The following TAFA5 variants were observed in gnomAD, a reference collection of about 807,000 sequenced individuals.
TAFA5 encodes the protein chemokine-like protein TAFA-5.
A neutral mutation model predicts 15.3 loss-of-function variants in TAFA5; 6 were observed. The ratio of observed to expected loss-of-function variants is 0.39; its 90% CI spans 0.21 to 0.77. The LOEUF (loss-of-function observed/expected upper bound fraction) is 0.77. Ranked by LOEUF, TAFA5 falls within the 30% of genes least tolerant of loss-of-function variation. The pLI is 0.41. For missense variants in TAFA5, 161 were observed against 193.1 expected (o/e 0.83, Z 0.98); for synonymous variants, 103 against 80.7 (o/e 1.28, Z -1.48).
At chr22:48,683,302 G>A (rs953920195) in intron 2 of TAFA5, among the ~76,000 whole-genome samples, 1 of 152,242 alleles carries the variant, frequency 6.6e-6, no homozygotes, top group Non-Finnish European at 1.5e-5. Flanking sequence ...GAGAGTGCTG[G>A]TTAATAGCTT....
chr22:48,584,745 C>T (rs1924269692), intron 1 of TAFA5, among the ~76,000 whole-genome samples: 1 of 149,604 alleles, frequency 6.7e-6, no homozygotes, highest in Admixed American at 6.7e-5. Context: ...TACACGCACC[C>T]TCCACACACA....
At chr22:48,749,634 C>G (rs534904067) in intron 3 of TAFA5, among the ~76,000 whole-genome samples, 1 of 152,296 alleles carries the variant, frequency 6.6e-6, no homozygotes, top group South Asian at 2.1e-4. Context: ...GCGCCCCACT[C>G]TCCCGAGACA....
At chr22:48,577,826 A>C (rs1923874277) in intron 1 of TAFA5, among the ~76,000 whole-genome samples, 1 of 152,204 alleles carries the variant, frequency 6.6e-6, no homozygotes, top group South Asian at 2.1e-4. Flanking sequence ...TTGGCCTGCC[A>C]GCCCGGGCTT....
chr22:48,685,921 C>T (rs960696629), intron 2 of TAFA5, among the ~76,000 whole-genome samples: 23 of 151,206 alleles, frequency 1.5e-4, no homozygotes, highest in African/African-American at 3.7e-4. Context: ...ACAGGCCCCA[C>T]GTGCGCCCCG....
chr22:48,489,613 C>T lies in TAFA5; in HGVS notation c.21C>T (p.Thr7=), dbSNP rs1344342066. The T allele has an allele frequency of 1.3e-6, 2 of 1,500,802 alleles. No homozygotes were observed. The highest frequency in any genetic ancestry group is 1.8e-6 in the Non-Finnish European group (2 of 1,122,590). The allele number at this position is 1,500,802 out of a possible 1,614,324, so 93.0% of individuals were successfully genotyped here. A position where few individuals can be genotyped will look rare whatever the true frequency, so the allele number is the denominator to read the frequency against. ...CTTCAATGGCGCCATCGCCCAGGACCGGCAGCCGGCAAGATGCGACCGCCC... is the reference window on the plus strand; with the variant it reads ...CTTCAATGGCGCCATCGCCCAGGACTGGCAGCCGGCAAGATGCGACCGCCC... The part of the protein sequence containing the change: MAPSPR[T]GSRQDATALP... The change falls in exon 1 of 4, where the codon ACC becomes ACT. Residue 7 remains threonine (T), a synonymous_variant. Transcript: ENST00000402357. The surrounding 1 kb of genome is among the most constrained non-coding windows in gnomAD (Gnocchi z 5.5).
At position 48,709,707 on chromosome 22, in the gene TAFA5, C is replaced by T. The variant is rs924156185; in HGVS notation, c.390+1863C>T. ...GGCTGCACCCCTTCAGGAACGAACT[C>T]GGATGCACCTCTGTGAGAGGACTGC... On this transcript the variant is annotated intron_variant, in intron 3 of 3. Transcript: ENST00000402357. 9.9e-5 allele frequency among the ~76,000 whole-genome samples: 15 copies of T among 152,238 alleles called. No homozygotes were observed. The South Asian group carries it at 1.2e-3, about 13-fold the overall frequency.
chr22:48,519,386 C>G (rs6007878), intron 1 of TAFA5, among the ~76,000 whole-genome samples: 3,126 of 152,370 alleles, frequency 0.021, 131 homozygotes, highest in African/African-American at 0.071. Flanking sequence ...GCAGGGGCCA[C>G]GCTTCTCAGA....
intron 1 of TAFA5, chr22:48,547,211 C>G (rs1922706042): frequency 6.6e-6 from 1 of 152,324 alleles, no homozygotes. Flanking sequence ...TGCGGCGGGC[C>G]TGGGAGCTCA....
intron 2 of TAFA5, among the ~76,000 whole-genome samples, chr22:48,694,892 C>G (rs1358827276): frequency 6.7e-6 from 1 of 148,172 alleles, no homozygotes; most frequent in Non-Finnish European, 1.5e-5. Context: ...CCTTCCTGCC[C>G]CAGGCTGGGA....
At chr22:48,563,213 C>A (rs1366780132) in intron 1 of TAFA5, among the ~76,000 whole-genome samples, 1 of 152,214 alleles carries the variant, frequency 6.6e-6, no homozygotes, top group African/African-American at 2.4e-5. Context: ...AAGAGCCCTG[C>A]AGACAAGTGG....
At position 48,624,927 on chromosome 22, in the gene TAFA5, C is replaced by G. The variant is rs117327538; in HGVS notation, c.113-21670C>G. On this transcript the variant is annotated intron_variant, in intron 1 of 3. Coordinates refer to ENST00000402357, the MANE Select transcript of TAFA5 (RefSeq NM_001082967.3). The stretch of plus-strand genomic sequence containing the variant: ...CCGGCCTGGCCAACGTGGCAAAACC[C>G]TGTCTCTACTAACAATACAAAAACA... Among the ~76,000 whole-genome samples the G allele has an allele frequency of 1.8e-3, 270 of 152,220 alleles. 11 individuals are homozygous for G. The East Asian group carries it at 0.044, about 25-fold the overall frequency.
intron 1 of TAFA5, among the ~76,000 whole-genome samples, chr22:48,585,477 C>T (rs1256176075): frequency 3.3e-5 from 5 of 150,616 alleles, no homozygotes; most frequent in Non-Finnish European, 7.4e-5. Context: ...ACCACACATA[C>T]ACCACATACA....
At chr22:48,740,893 A>G (rs1156310900) in intron 3 of TAFA5, among the ~76,000 whole-genome samples, 1 of 152,086 alleles carries the variant, frequency 6.6e-6, no homozygotes, top group Non-Finnish European at 1.5e-5. Context: ...TGTGCCAGGT[A>G]AACAGCCTTA....
At chr22:48,636,633 G>A (rs997241845) in intron 1 of TAFA5, among the ~76,000 whole-genome samples, 3 of 152,120 alleles carry the variant, frequency 2.0e-5, no homozygotes, top group South Asian at 2.1e-4. Context: ...GTGGGGAGAC[G>A]CTCCCTGGAA....
Position 48,681,815 on chromosome 22 carries a change from C to CAAAT in TAFA5, c.263-25902_263-25901insAAAT, listed in dbSNP as rs1281733035. Among the ~76,000 whole-genome samples the CAAAT allele has an allele frequency of 4.7e-3, 264 of 56,670 alleles. 5 individuals carry two copies. Among genetic ancestry groups the CAAAT allele is most frequent in the South Asian group, 0.012 (19 of 1,594 alleles). 37.2% of individuals were successfully genotyped at this position (56,670 alleles called of 152,430 possible). A position where few individuals can be genotyped will look rare whatever the true frequency, so the allele number is the denominator to read the frequency against. On this transcript the variant is annotated intron_variant, in intron 2 of 3. Coordinates refer to ENST00000402357, the MANE Select transcript of TAFA5 (RefSeq NM_001082967.3). ...CACACTCCGGATCCTGGGGTGTTGT[C>CAAAT]CACATGTAGACTCTCCCACTCCTGC... is the stretch of plus-strand genomic sequence containing the variant.
At chr22:48,577,797 C>A (rs988101614) in intron 1 of TAFA5, among the ~76,000 whole-genome samples, 4 of 152,190 alleles carry the variant, frequency 2.6e-5, no homozygotes, top group African/African-American at 9.6e-5. Context: ...GTAGGCTACC[C>A]CAGGACTCTG....
intron 3 of TAFA5, among the ~76,000 whole-genome samples, chr22:48,744,412 A>C (rs1477898803): frequency 5.9e-5 from 9 of 152,094 alleles, no homozygotes; most frequent in Admixed American, 5.9e-4. Context: ...TGAAGGCTGG[A>C]GCGGTGTGGC....
intron 2 of TAFA5, among the ~76,000 whole-genome samples, chr22:48,690,067 A>C (rs1329121332): frequency 1.0e-5 from 1 of 99,308 alleles, no homozygotes; most frequent in African/African-American, 3.7e-5. Flanking sequence ...GTGGATGTGG[A>C]GATGTCCACC....
intron 1 of TAFA5, among the ~76,000 whole-genome samples, chr22:48,517,749 G>C (rs1921462792): frequency 6.6e-6 from 1 of 152,098 alleles, no homozygotes; most frequent in African/African-American, 2.4e-5. Context: ...CCGCGGTGAG[G>C]CTGGCCTGCC....
Sources: gnomAD v4.1 joint callset for allele counts (sites outside exome capture counted in the v4.1 genomes callset) on GRCh38, gnomAD v4.1.1 for gene constraint, Gnocchi (gnomAD v3.1) non-coding constraint, MANE v1.5 for transcripts, NCBI Gene and HGNC (gene_info 2026-07-23, HGNC 2026-07-21) for gene names.